The following SYNE3 variants were observed in gnomAD, a reference collection of about 807,000 sequenced individuals.
SYNE3 encodes nesprin-3.
In SYNE3, 100 loss-of-function variants were observed where a neutral mutation model predicts 111.2. That is an observed-to-expected ratio of 0.90 (90% CI 0.77 to 1.06). The LOEUF is 1.06. SYNE3 is among the 50% of genes least tolerant of loss of function. The pLI is 0.00. For missense variants in SYNE3, 1,160 were observed against 1,240.3 expected, an observed-to-expected ratio of 0.94 and a Z score of 0.97; for synonymous variants, 547 against 533.9, an observed-to-expected ratio of 1.02 and a Z score of -0.34.
In SYNE3 at chr14:95,426,659, C is replaced by T. The variant is rs144076226; in HGVS notation, c.2727+5420G>A. ...AAGAGACCGAGGGCACGAGCTGTTC[C>T]AGTATAATAAAATATATATAATAAG... On this transcript the variant is annotated intron_variant, in intron 17 of 17. Transcript: ENST00000682763. Among the ~76,000 whole-genome samples the T allele has an allele frequency of 1.0e-2, 1,513 of 152,004 alleles. 28 individuals carry two copies. Among genetic ancestry groups the T allele is most frequent in the African/African-American group, 0.034 (1,405 of 41,446 alleles).
intron 1 of SYNE3, among the ~76,000 whole-genome samples, chr14:95,512,983 C>T (rs1198578175): frequency 6.6e-6 from 1 of 152,146 alleles, no homozygotes; most frequent in East Asian, 1.9e-4. Flanking sequence ...TGATCAATTA[C>T]CCACTTCTCC....
intron 15 of SYNE3, among the ~76,000 whole-genome samples, chr14:95,436,080 T>C (rs1886067505): frequency 6.8e-6 from 1 of 147,618 alleles, no homozygotes; most frequent in African/African-American, 2.4e-5. Flanking sequence ...AGAGAAGTAG[T>C]AGTTCAGTTG....
In SYNE3 at chr14:95,440,005, C is replaced by T. The variant is rs951576901; in HGVS notation, c.1982G>A (p.Arg661Gln). The T allele has an allele frequency of 6.8e-6, 11 of 1,613,010 alleles. No individual in the cohort carries two copies. The highest frequency in any genetic ancestry group is 4.5e-5 in the East Asian group (2 of 44,892). ...TTGCGTGGTCACAACGATCCACTGC[C>T]GCAGCTCCAGCAGCTGGTGGCTGAA... ...CTFSHQLLELRQWIVVTTQKL... is the reference protein window; with the variant it reads ...CTFSHQLLELQQWIVVTTQKL... Residue 661 changes from arginine (R) to glutamine (Q), a missense_variant, in exon 12 of 18, where the codon CGG (arginine) becomes CAG (glutamine). Coordinates refer to ENST00000682763, the MANE Select transcript of SYNE3 (RefSeq NM_152592.6).
intron 7 of SYNE3, 89 bp downstream of exon 7, chr14:95,452,158 G>A: frequency 7.0e-7 from 1 of 1,434,396 alleles, no homozygotes; most frequent in Non-Finnish European, 9.4e-7. Flanking sequence ...TTACTATGTT[G>A]TAGGAGAAAG....
chr14:95,433,551 C>T (rs886107246), intron 15 of SYNE3, 142 bp from the exon 16 acceptor site: 15 of 1,212,682 alleles, frequency 1.2e-5, no homozygotes, highest in Middle Eastern at 2.8e-4. Context: ...AGTGGGACTC[C>T]CATCTGTGCA....
intron 17 of SYNE3, among the ~76,000 whole-genome samples, chr14:95,426,814 G>A (rs1414837612): frequency 6.6e-6 from 1 of 151,604 alleles, no homozygotes; most frequent in South Asian, 2.1e-4. Flanking sequence ...CGTGGTGGCA[G>A]GCGCCTGTAG....
chr14:95,417,759 C>T lies in SYNE3; in HGVS notation c.*67G>A, dbSNP rs1025673466. The T allele has an allele frequency of 9.1e-6, 14 of 1,546,308 alleles. No individual in the cohort carries two copies. The African/African-American group carries it at 1.9e-4, about 21-fold the overall frequency. ...CCCTGTTTCCAGTTTCCCTGGCGAG[C>T]ATCCTCAGGAGGGGCCCTGGGACTG... is the stretch of plus-strand genomic sequence containing the variant. On this transcript the variant is annotated 3_prime_UTR_variant, in exon 18 of 18. Transcript: ENST00000682763.
chr14:95,451,230 CA>C (rs1887054505), intron 7 of SYNE3: 1 of 152,234 alleles, frequency 6.6e-6, no homozygotes. Context: ...GCTTCATGAC[CA>C]AGGAATACAA....
intron 2 of SYNE3, among the ~76,000 whole-genome samples, chr14:95,468,427 G>A (rs1411909877): frequency 2.0e-5 from 3 of 152,160 alleles, no homozygotes; most frequent in Admixed American, 6.5e-5. Context: ...CCAACCCAGG[G>A]CCCAGCTGAG....
intron 4 of SYNE3, among the ~76,000 whole-genome samples, chr14:95,458,272 G>A (rs530944920): frequency 2.0e-5 from 3 of 152,232 alleles, no homozygotes; most frequent in Admixed American, 6.5e-5. Flanking sequence ...TAGCTCTGTG[G>A]TCCAGCAGTC....
chr14:95,482,742 C>T (rs1276758358), intron 1 of SYNE3, among the ~76,000 whole-genome samples: 3 of 152,276 alleles, frequency 2.0e-5, no homozygotes, highest in East Asian at 1.9e-4. Flanking sequence ...GACATTTACC[C>T]GGTGTTCTGC....
At position 95,436,807 on chromosome 14, in the gene SYNE3, C is replaced by T; in HGVS notation, c.2538+13G>A. The T allele has an allele frequency of 6.2e-7, 1 of 1,613,338 alleles. No individual in the cohort carries two copies. The highest frequency in any genetic ancestry group is 8.5e-7 in the Non-Finnish European group (1 of 1,179,892). On this transcript the variant is annotated intron_variant, in intron 15 of 17. Coordinates refer to ENST00000682763, the MANE Select transcript of SYNE3 (RefSeq NM_152592.6). Reference sequence around the variant, plus strand: ...AAACCTTATGGATGAGGGACCTTTCCTGGGGAACAGACCTGCAGCTTCGAT... The same window carrying T: ...AAACCTTATGGATGAGGGACCTTTCTTGGGGAACAGACCTGCAGCTTCGAT...
chr14:95,457,550 G>A (rs1887545394), intron 4 of SYNE3, among the ~76,000 whole-genome samples: 1 of 152,182 alleles, frequency 6.6e-6, no homozygotes, highest in South Asian at 2.1e-4. Context: ...TGGCTTTGGA[G>A]ACCAGAGCAT....
chr14:95,456,074 G>A lies in SYNE3; in HGVS notation c.790-350C>T, dbSNP rs145451522. The A allele has an allele frequency of 5.7e-3, 2,137 of 377,976 alleles. 35 individuals are homozygous for A. Among genetic ancestry groups the A allele is most frequent in the African/African-American group, 0.036 (1,749 of 48,564 alleles). 23.4% of individuals were successfully genotyped at this position (377,976 alleles called of 1,614,324 possible). ...GAGCCAAATAGAACCAAATGGCTCC[G>A]TTCGGTTTCATTGTATTTATTTGTG... is the stretch of plus-strand genomic sequence containing the variant. On this transcript the variant is annotated intron_variant, in intron 5 of 17. Coordinates refer to ENST00000682763, the MANE Select transcript of SYNE3 (RefSeq NM_152592.6).
chr14:95,438,802 T>G, intron 14 of SYNE3: 3 of 520,436 alleles, frequency 5.8e-6, no homozygotes, highest in Admixed American at 3.1e-5. Flanking sequence ...ATACCCCTAC[T>G]GCCCTGGTGG....
chr14:95,411,365 C>T lies in SYNE3; in HGVS notation c.*6461G>A, dbSNP rs189340712. On this transcript the variant is annotated 3_prime_UTR_variant, in exon 18 of 18. Transcript: ENST00000682763. ...AAGAAAAGGAGACCAGAATTGAGAG[C>T]TTTCTGAGAGGGCTGGTACAGGTGT... 6.6e-6 allele frequency: 1 copy of T among 151,330 alleles called. No individual in the cohort carries two copies. Among genetic ancestry groups the T allele is most frequent in the Admixed American group, 6.6e-5 (1 of 15,220 alleles). The allele number at this position is 151,330 out of a possible 1,614,324, so 9.4% of individuals were successfully genotyped here.
intron 17 of SYNE3, among the ~76,000 whole-genome samples, chr14:95,424,274 A>T (rs1187013956): frequency 1.3e-5 from 2 of 151,898 alleles, no homozygotes; most frequent in African/African-American, 4.8e-5. Flanking sequence ...AGAGGCCTGG[A>T]AGGAGATGCC....
intron 8 of SYNE3, among the ~76,000 whole-genome samples, chr14:95,448,615 G>GA (rs1372747117): frequency 6.6e-6 from 1 of 152,236 alleles, no homozygotes; most frequent in African/African-American, 2.4e-5. Context: ...TTGAACCCGG[G>GA]AGGCGGAGGT....
In SYNE3 at chr14:95,415,970, G is replaced by A. The variant is rs1903568897; in HGVS notation, c.*1856C>T. 6.6e-6 allele frequency: 1 copy of A among 152,182 alleles called. No individual in the cohort carries two copies. The highest frequency in any genetic ancestry group is 1.5e-5 in the Non-Finnish European group (1 of 68,080). The allele number at this position is 152,182 out of a possible 1,614,324, so 9.4% of individuals were successfully genotyped here. Reference sequence around the variant, plus strand: ...AGATCGCACCACTGCACTCCAGCCTGGGCAAAAAGAGCGAAACTCCATCTC... The same window carrying A: ...AGATCGCACCACTGCACTCCAGCCTAGGCAAAAAGAGCGAAACTCCATCTC... On this transcript the variant is annotated 3_prime_UTR_variant, in exon 18 of 18. Coordinates refer to ENST00000682763, the MANE Select transcript of SYNE3 (RefSeq NM_152592.6).
Sources: allele counts gnomAD v4.1 joint callset (sites outside exome capture counted in the v4.1 genomes callset), GRCh38; gene constraint gnomAD v4.1.1; transcripts MANE v1.5; gene names NCBI Gene and HGNC (gene_info 2026-07-23, HGNC 2026-07-21).